The following PTCHD4 variants were observed in gnomAD, a reference collection of about 807,000 sequenced individuals.
PTCHD4 encodes patched domain containing 4, also known as patched domain-containing protein 4.
A neutral mutation model predicts 58.1 loss-of-function variants in PTCHD4; 33 were observed. The observed-to-expected ratio is 0.57, with a 90% CI of 0.43 to 0.76. The LOEUF (loss-of-function observed/expected upper bound fraction) is 0.76. Among genes scored for constraint, PTCHD4 ranks in the 30% least tolerant of loss-of-function variants. The pLI is 0.00. For synonymous variants in PTCHD4, 478 were observed against 409.6 expected, an observed-to-expected ratio of 1.17 and a Z score of -2.02; for missense variants, 1,058 against 1,027.1, an observed-to-expected ratio of 1.03 and a Z score of -0.41.
chr6:48,020,495 G>A (rs918744367), intron 3 of PTCHD4, among the ~76,000 whole-genome samples: 7 of 149,894 alleles, frequency 4.7e-5, no homozygotes, highest in Non-Finnish European at 1.0e-4. Context: ...AGTAATTGCG[G>A]TTTTTGCTAC....
rs1464654551 is a variant in PTCHD4, at chr6:47,871,164, T to C, written c.*7139A>G. 2.0e-5 allele frequency among the ~76,000 whole-genome samples: 3 copies of C among 151,618 alleles called. No individual in the cohort carries two copies. Among genetic ancestry groups the C allele is most frequent in the Non-Finnish European group, 3.0e-5 (2 of 67,706 alleles). ...TTTGTCTATGCATGGGTGAAGACTGTTTCTCCCTAGGAGTTTTCTTTTCAC... is the reference window on the plus strand; with the variant it reads ...TTTGTCTATGCATGGGTGAAGACTGCTTCTCCCTAGGAGTTTTCTTTTCAC... On this transcript the variant is annotated 3_prime_UTR_variant, in exon 5 of 5. Transcript: ENST00000339488.
At chr6:47,907,715 A>G (rs1373494961) in intron 4 of PTCHD4, among the ~76,000 whole-genome samples, 1 of 152,182 alleles carries the variant, frequency 6.6e-6, no homozygotes, top group East Asian at 1.9e-4. Flanking sequence ...CCAGCAAAAC[A>G]TCATGAAAAA....
intron 3 of PTCHD4, among the ~76,000 whole-genome samples, chr6:48,052,548 C>T (rs1013175774): frequency 1.3e-5 from 2 of 151,952 alleles, no homozygotes; most frequent in South Asian, 2.1e-4. Context: ...TTTGGAGATA[C>T]ATTTTGTGAA....
chr6:48,109,244 G>T lies in PTCHD4; in HGVS notation c.-970+1805C>A, dbSNP rs556200801. 2.6e-4 allele frequency among the ~76,000 whole-genome samples: 39 copies of T among 152,110 alleles called. No homozygotes were observed. In the East Asian group the frequency reaches 6.9e-3, roughly 27 times the overall value. On this transcript the variant is annotated intron_variant, in intron 1 of 4. Coordinates refer to ENST00000339488, the MANE Select transcript of PTCHD4 (RefSeq NM_001384253.1). Reference sequence around the variant, plus strand: ...TTCAAAGCAAAGAATAAAGATAAAAGTTTCCTTATTCATCACAAGGCTACT... The same window carrying T: ...TTCAAAGCAAAGAATAAAGATAAAATTTTCCTTATTCATCACAAGGCTACT...
intron 1 of PTCHD4, among the ~76,000 whole-genome samples, chr6:48,109,937 GAAAAAAAA>G (rs1765829366): frequency 6.6e-6 from 1 of 151,564 alleles, no homozygotes; most frequent in African/African-American, 2.4e-5. Context: ...TAAAAAGAGA[GAAAAAAAA>G]CAACAACCAA....
At chr6:47,955,129 G>A (rs2113955478) in intron 4 of PTCHD4, among the ~76,000 whole-genome samples, 1 of 152,328 alleles carries the variant, frequency 6.6e-6, no homozygotes, top group Non-Finnish European at 1.5e-5. Context: ...AAATTTGTGA[G>A]CAAAATGAAT....
At chr6:48,018,603 T>A (rs1413153927) in intron 3 of PTCHD4, among the ~76,000 whole-genome samples, 2 of 152,232 alleles carry the variant, frequency 1.3e-5, no homozygotes, top group Non-Finnish European at 2.9e-5. Context: ...ATAAATCACC[T>A]CTGTAGCCCA....
rs1050042487 is a variant in PTCHD4 at position 47,892,140 on chromosome 6, T to C, written c.899-12204A>G. On this transcript the variant is annotated intron_variant, in intron 4 of 4. Transcript: ENST00000339488. The stretch of plus-strand genomic sequence containing the variant: ...ACATAGGAGGAGGGAGGAGGAGCCA[T>C]GTGGAACTAAAAATTCATTGCTTTA... Among the ~76,000 whole-genome samples the C allele has an allele frequency of 2.1e-4, 32 of 152,228 alleles. 1 individual carries two copies. Among genetic ancestry groups the C allele is most frequent in the Non-Finnish European group, 1.2e-4 (8 of 68,028 alleles).
intron 3 of PTCHD4, among the ~76,000 whole-genome samples, chr6:48,016,092 T>A (rs988290146): frequency 6.6e-6 from 1 of 151,952 alleles, no homozygotes; most frequent in Admixed American, 6.6e-5. Flanking sequence ...CCCAAATATG[T>A]TTCTTTTTCA....
intron 4 of PTCHD4, among the ~76,000 whole-genome samples, chr6:47,972,991 A>G (rs1002494337): frequency 3.0e-4 from 45 of 152,208 alleles, no homozygotes; most frequent in African/African-American, 1.1e-3. Context: ...TTATGTTTTT[A>G]GTACTCTTAG....
At chr6:47,914,186 T>C (rs1765157388) in intron 4 of PTCHD4, among the ~76,000 whole-genome samples, 1 of 152,140 alleles carries the variant, frequency 6.6e-6, no homozygotes, top group Admixed American at 6.6e-5. Context: ...TACCAGTATG[T>C]TTTGTGTTTG....
At chr6:47,914,019 A>G (rs549236708) in intron 4 of PTCHD4, among the ~76,000 whole-genome samples, 55 of 152,188 alleles carry the variant, frequency 3.6e-4, no homozygotes, top group Non-Finnish European at 6.0e-4. Flanking sequence ...TTTTTCTCTC[A>G]TGTTTGTTAT....
In PTCHD4 at chr6:47,863,615, A is replaced by T. The variant is rs1274888850; in HGVS notation, c.*14688T>A. Among the ~76,000 whole-genome samples the T allele has an allele frequency of 2.0e-5, 3 of 152,006 alleles. No homozygotes were observed. The highest frequency in any genetic ancestry group is 1.3e-4 in the Admixed American group (2 of 15,254). ...GAAACATACTTGTACTAAAAATTTCATTCACTGATTATTGGAAATTCAAAC... is the reference window on the plus strand; with the variant it reads ...GAAACATACTTGTACTAAAAATTTCTTTCACTGATTATTGGAAATTCAAAC... On this transcript the variant is annotated 3_prime_UTR_variant, in exon 5 of 5. Coordinates refer to ENST00000339488, the MANE Select transcript of PTCHD4 (RefSeq NM_001384253.1).
Position 47,902,866 on chromosome 6 carries a change from A to G in PTCHD4, c.899-22930T>C, listed in dbSNP as rs183058616. On this transcript the variant is annotated intron_variant, in intron 4 of 4. Coordinates refer to ENST00000339488, the MANE Select transcript of PTCHD4 (RefSeq NM_001384253.1). ...AACATACATTCGTATAATAGTTTCCATTTAAAGTTATAAAATAAATTGTCT... is the reference window on the plus strand; with the variant it reads ...AACATACATTCGTATAATAGTTTCCGTTTAAAGTTATAAAATAAATTGTCT... Among the ~76,000 whole-genome samples, 416 of 152,318 alleles carry G rather than the reference A, an allele frequency of 2.7e-3. 3 individuals are homozygous for G. The highest frequency in any genetic ancestry group is 8.1e-3 in the African/African-American group (335 of 41,566).
At chr6:48,074,020 T>C (rs1015832619) in intron 1 of PTCHD4, among the ~76,000 whole-genome samples, 2 of 152,142 alleles carry the variant, frequency 1.3e-5, no homozygotes, top group African/African-American at 4.8e-5. Flanking sequence ...TCAGACTTTT[T>C]CTGCCACTGC....
intron 3 of PTCHD4, among the ~76,000 whole-genome samples, chr6:48,038,093 T>C (rs943637478): frequency 2.6e-5 from 4 of 152,024 alleles, no homozygotes; most frequent in African/African-American, 9.7e-5. Context: ...CTGTTTCCTC[T>C]TTCAGTGAGA....
At chr6:47,963,652 C>A (rs1160921262) in intron 4 of PTCHD4, among the ~76,000 whole-genome samples, 1 of 152,084 alleles carries the variant, frequency 6.6e-6, no homozygotes. Context: ...ACTATTCAGC[C>A]TTGAAAAAGA....
At chr6:48,035,354 T>C (rs1763595472) in intron 3 of PTCHD4, among the ~76,000 whole-genome samples, 1 of 152,080 alleles carries the variant, frequency 6.6e-6, no homozygotes, top group Non-Finnish European at 1.5e-5. Context: ...TTGCAGTGGT[T>C]TTCAAAGTGT....
intron 4 of PTCHD4, among the ~76,000 whole-genome samples, chr6:47,990,831 T>C (rs2114033453): frequency 6.6e-6 from 1 of 152,240 alleles, no homozygotes; most frequent in East Asian, 1.9e-4. Context: ...GAACTAAAAC[T>C]TGTAGAAATA....
Sources: allele counts gnomAD v4.1 joint callset (sites outside exome capture counted in the v4.1 genomes callset), GRCh38; gene constraint gnomAD v4.1.1; transcripts MANE v1.5; gene names NCBI Gene and HGNC (gene_info 2026-07-23, HGNC 2026-07-21).